PLAAT4: variants seen among roughly 807,000 people sequenced by gnomAD.
PLAAT4 encodes phospholipase A and acyltransferase 4.
A neutral mutation model predicts 14.1 loss-of-function variants in PLAAT4; 12 were observed. The observed-to-expected ratio is 0.85, with a 90% CI of 0.54 to 1.37. PLAAT4 has a LOEUF of 1.37. Ranked by LOEUF, PLAAT4 falls within the 40% of genes most tolerant of loss-of-function variation. The pLI is 0.00. For synonymous variants in PLAAT4, 77 were observed against 79.8 expected (o/e 0.96, Z 0.19); for missense variants, 163 against 211.7 (o/e 0.77, Z 1.43).
chr11:63,543,211 T>C (rs1432718837), intron 2 of PLAAT4, among the ~76,000 whole-genome samples: 1 of 152,234 alleles, frequency 6.6e-6, no homozygotes, highest in East Asian at 1.9e-4. Flanking sequence ...CTGGGCTGTG[T>C]GTGGCCTGTT....
chr11:63,536,922 G>A (rs375733963), intron 1 of PLAAT4, 45 bp downstream of exon 1: 1 of 1,598,986 alleles, frequency 6.3e-7, no homozygotes, highest in African/African-American at 1.4e-5. Context: ...CAGCAGTTGG[G>A]CAGCTCCCCC....
intron 1 of PLAAT4, among the ~76,000 whole-genome samples, chr11:63,537,247 T>C (rs2017278040): frequency 6.6e-6 from 1 of 151,848 alleles, no homozygotes; most frequent in African/African-American, 2.4e-5. Flanking sequence ...GCTTCTGCTG[T>C]GACTGGGGCT....
rs1246551340 is a variant in PLAAT4, at chr11:63,541,253, G to A, written c.118+1629G>A. Among the ~76,000 whole-genome samples, 12 of 150,476 alleles carry A rather than the reference G, an allele frequency of 8.0e-5. No individual in the cohort carries two copies. The South Asian group carries it at 2.5e-3, about 32-fold the overall frequency. On this transcript the variant is annotated intron_variant, in intron 2 of 3. Transcript: ENST00000255688. Reference sequence around the variant, plus strand: ...TGTCACCGGGATGGAGTACAGTGGTGCAATCTCAGCTCACTGCAACCTCCG... The same window carrying A: ...TGTCACCGGGATGGAGTACAGTGGTACAATCTCAGCTCACTGCAACCTCCG...
intron 1 of PLAAT4, among the ~76,000 whole-genome samples, 175 bp from the exon 2 acceptor site, chr11:63,539,341 C>G (rs535161357): frequency 6.6e-6 from 1 of 152,242 alleles, no homozygotes; most frequent in African/African-American, 2.4e-5. Flanking sequence ...TTCCAGCCCC[C>G]AGTGCCCCCA....
chr11:63,541,438 C>A (rs542339940), intron 2 of PLAAT4, among the ~76,000 whole-genome samples: 36 of 152,096 alleles, frequency 2.4e-4, no homozygotes, highest in Admixed American at 6.5e-4. Flanking sequence ...GATCCACCAG[C>A]CTCGGCCTCC....
intron 3 of PLAAT4, chr11:63,545,444 T>C: frequency 5.6e-6 from 1 of 177,032 alleles, no homozygotes; most frequent in Non-Finnish European, 1.2e-5. Flanking sequence ...TGATGCCTAC[T>C]CAGGGCCCCT....
rs1482536681 is a variant in PLAAT4 at position 63,539,644 on chromosome 11, T to A, written c.118+20T>A. On this transcript the variant is annotated intron_variant, in intron 2 of 3. Transcript: ENST00000255688. ...CTCCAAGTAAGGACTGATGAATATATAATTTTCAAAATATTTGTTAAAAGG... is the reference window on the plus strand; with the variant it reads ...CTCCAAGTAAGGACTGATGAATATAAAATTTTCAAAATATTTGTTAAAAGG... 1 of 1,555,672 alleles carries A rather than the reference T, an allele frequency of 6.4e-7. No individual in the cohort carries two copies. Among genetic ancestry groups the A allele is most frequent in the African/African-American group, 1.4e-5 (1 of 73,280 alleles).
intron 2 of PLAAT4, among the ~76,000 whole-genome samples, chr11:63,543,077 A>T (rs1011467752): frequency 6.6e-6 from 1 of 152,240 alleles, no homozygotes; most frequent in African/African-American, 2.4e-5. Context: ...TCACTCATCT[A>T]TACCCTCCAT....
rs144253822 is a variant in PLAAT4 at position 63,540,775 on chromosome 11, G to A, written c.118+1151G>A. ...TGGGAGACGGAGGTTGCAGTGAGCCGAGATCCTGAGACAGTGCCACTGCAC... is the reference window on the plus strand; with the variant it reads ...TGGGAGACGGAGGTTGCAGTGAGCCAAGATCCTGAGACAGTGCCACTGCAC... On this transcript the variant is annotated intron_variant, in intron 2 of 3. Transcript: ENST00000255688. Among the ~76,000 whole-genome samples, 256 of 152,300 alleles carry A rather than the reference G, an allele frequency of 1.7e-3. 1 individual carries two copies. The highest frequency in any genetic ancestry group is 5.7e-3 in the African/African-American group (237 of 41,560).
intron 3 of PLAAT4, 101 bp from the exon 4 acceptor site, chr11:63,546,048 C>A: frequency 1.1e-6 from 1 of 925,170 alleles, no homozygotes; most frequent in South Asian, 1.4e-5. Flanking sequence ...TTAGGGGAGG[C>A]AGGAGAGAGG....
At position 63,543,263 on chromosome 11, in the gene PLAAT4, G is replaced by A. The variant is rs549852514; in HGVS notation, c.119-1358G>A. ...AATAGGTGAGCTGAGAGGCAGGTGA[G>A]TGAGCATTCTGCCTGAGCTCCGCCT... is the stretch of plus-strand genomic sequence containing the variant. On this transcript the variant is annotated intron_variant, in intron 2 of 3. Transcript: ENST00000255688. Among the ~76,000 whole-genome samples, 43 of 152,354 alleles carry A rather than the reference G, an allele frequency of 2.8e-4. No individual in the cohort carries two copies. In the South Asian group the frequency reaches 8.9e-3, roughly 32 times the overall value.
At chr11:63,545,584 GTGGAGATAAGGCA>G (rs2017358003) in intron 3 of PLAAT4, among the ~76,000 whole-genome samples, 1 of 152,152 alleles carries the variant, frequency 6.6e-6, no homozygotes. Flanking sequence ...AGAGGCCCAG[GTGGAGATAAGGCA>G]TGGAGTTTAG....
At chr11:63,543,904 G>T (rs2134359327) in intron 2 of PLAAT4, among the ~76,000 whole-genome samples, 1 of 152,286 alleles carries the variant, frequency 6.6e-6, no homozygotes, top group East Asian at 1.9e-4. Flanking sequence ...GGGCTTAAGA[G>T]AAGCAGTTTC....
chr11:63,541,232 A>G (rs2017318705), intron 2 of PLAAT4, among the ~76,000 whole-genome samples: 1 of 147,786 alleles, frequency 6.8e-6, no homozygotes, highest in Non-Finnish European at 1.5e-5. Flanking sequence ...TTGCTCTGTC[A>G]CCGGGATGGA....
chr11:63,545,903 A>G (rs1282818312), intron 3 of PLAAT4, among the ~76,000 whole-genome samples: 2 of 152,140 alleles, frequency 1.3e-5, no homozygotes, highest in Non-Finnish European at 2.9e-5. Flanking sequence ...CATTCTCAGG[A>G]CAAGCCCAGA....
At chr11:63,536,986 G>A (rs142713638) in intron 1 of PLAAT4, 109 bp downstream of exon 1, 30 of 1,296,636 alleles carry the variant, frequency 2.3e-5, no homozygotes, top group South Asian at 5.4e-5. Flanking sequence ...TCCAGAGCTC[G>A]TCTTTAGAAG....
intron 2 of PLAAT4, among the ~76,000 whole-genome samples, chr11:63,543,736 T>C (rs951404140): frequency 1.8e-4 from 28 of 152,236 alleles, no homozygotes; most frequent in Non-Finnish European, 2.5e-4. Context: ...AGATAACACC[T>C]GGAGTCACTA....
At chr11:63,536,905 G>A in intron 1 of PLAAT4, 28 bp downstream of exon 1, 1 of 1,610,204 alleles carries the variant, frequency 6.2e-7, no homozygotes, top group South Asian at 1.1e-5. Flanking sequence ...TTGCATTACT[G>A]ACTCTACAGC....
intron 1 of PLAAT4, among the ~76,000 whole-genome samples, chr11:63,537,394 G>A (rs551326001): frequency 2.2e-4 from 34 of 152,226 alleles, no homozygotes; most frequent in African/African-American, 6.7e-4. Flanking sequence ...CAGATGTACC[G>A]ATTGGCAGAA....
Sources: allele counts gnomAD v4.1 joint callset (sites outside exome capture counted in the v4.1 genomes callset), GRCh38; gene constraint gnomAD v4.1.1; transcripts MANE v1.5; gene names NCBI Gene and HGNC (gene_info 2026-07-23, HGNC 2026-07-21).